The following DCAF1 variants were observed in gnomAD, a reference collection of about 807,000 sequenced individuals.
DCAF1 encodes the protein DDB1 and CUL4 associated factor 1.
Under a neutral mutation model 128.0 loss-of-function variants are expected in DCAF1, and 15 were observed. That is an observed-to-expected ratio of 0.12 (90% CI 0.08 to 0.18). DCAF1 has a LOEUF of 0.18. DCAF1 is among the 10% of genes least tolerant of loss of function. DCAF1 has a pLI of 1.00. For missense variants in DCAF1, 988 were observed against 1,649.5 expected (o/e 0.60, Z 6.95); for synonymous variants, 610 against 603.0 (o/e 1.01, Z -0.17).
chr3:51,475,433 C>G (rs782534146), intron 3 of DCAF1, among the ~76,000 whole-genome samples: 13 of 152,154 alleles, frequency 8.5e-5, no homozygotes, highest in South Asian at 2.1e-4. Context: ...GAAATCCCCC[C>G]CATCTCTACT....
chr3:51,432,267 TAAA>T (rs879192648), intron 10 of DCAF1, among the ~76,000 whole-genome samples: 1 of 99,014 alleles, frequency 1.0e-5, no homozygotes. Flanking sequence ...CAAGATTCTG[TAAA>T]AAAAAAAAAA....
rs372641990 is a variant in DCAF1, at chr3:51,451,246, A to C, written c.376-7343T>G. On this transcript the variant is annotated intron_variant, in intron 6 of 24. Transcript: ENST00000684031. ...CAGGACTACAGCCATGTGACACCACACTCAGCATATATATATATATTTACA... is the reference window on the plus strand; with the variant it reads ...CAGGACTACAGCCATGTGACACCACCCTCAGCATATATATATATATTTACA... Among the ~76,000 whole-genome samples the C allele has an allele frequency of 6.6e-5, 10 of 150,986 alleles. No homozygotes were observed. In the South Asian group the frequency reaches 1.3e-3, roughly 19 times the overall value.
intron 5 of DCAF1, among the ~76,000 whole-genome samples, chr3:51,465,928 G>A (rs1395921070): frequency 6.6e-6 from 1 of 152,158 alleles, no homozygotes; most frequent in Non-Finnish European, 1.5e-5. Flanking sequence ...GCTGGGTGCA[G>A]TGGTTCACGT....
At chr3:51,444,923 C>A (rs564160994) in intron 6 of DCAF1, among the ~76,000 whole-genome samples, 19 of 152,180 alleles carry the variant, frequency 1.2e-4, no homozygotes, top group African/African-American at 3.6e-4. Context: ...GATCCGCCCC[C>A]CTTGGCCTCC....
At chr3:51,442,842 ACACC>A (rs1412163281) in intron 7 of DCAF1, among the ~76,000 whole-genome samples, 20 of 152,180 alleles carry the variant, frequency 1.3e-4, no homozygotes, top group African/African-American at 4.3e-4. Context: ...AGAAAACTAA[ACACC>A]GCATGCTCTC....
At chr3:51,399,656 G>A (rs185652079) in intron 24 of DCAF1, among the ~76,000 whole-genome samples, 7 of 151,820 alleles carry the variant, frequency 4.6e-5, no homozygotes, top group African/African-American at 1.7e-4. Flanking sequence ...ACCATGTCTG[G>A]CTGATCAAAA....
intron 23 of DCAF1, among the ~76,000 whole-genome samples, chr3:51,408,009 A>AAAAC (rs1698056380): frequency 6.7e-6 from 1 of 149,440 alleles, no homozygotes; most frequent in African/African-American, 2.4e-5. Flanking sequence ...AAAAAAAAAA[A>AAAAC]CAACCAGATA....
intron 3 of DCAF1, among the ~76,000 whole-genome samples, chr3:51,475,249 A>C (rs549146960): frequency 1.6e-4 from 25 of 152,132 alleles, no homozygotes; most frequent in Middle Eastern, 3.4e-3. Flanking sequence ...AAAAAAAAAA[A>C]CAAAAAGATC....
intron 3 of DCAF1, among the ~76,000 whole-genome samples, chr3:51,473,446 T>TAAAAAAAA (rs1705015577): frequency 1.2e-5 from 1 of 86,218 alleles, no homozygotes; most frequent in Non-Finnish European, 2.2e-5. Flanking sequence ...TTTTTTTTTT[T>TAAAAAAAA]AAGAAACAGG....
chr3:51,415,125 C>T (rs1698763258), intron 18 of DCAF1, among the ~76,000 whole-genome samples: 1 of 152,146 alleles, frequency 6.6e-6, no homozygotes, highest in Non-Finnish European at 1.5e-5. Flanking sequence ...TTGGCAACTC[C>T]TAAACACATG....
intron 3 of DCAF1, among the ~76,000 whole-genome samples, chr3:51,482,773 A>AG (rs1179554616): frequency 1.3e-5 from 2 of 150,944 alleles, no homozygotes; most frequent in East Asian, 4.2e-4. Context: ...TCAAAAAAAA[A>AG]AAAAAAAAAA....
At chr3:51,414,176 A>C (rs1698677097) in intron 19 of DCAF1, 133 bp from the exon 20 acceptor site, 6 of 1,218,146 alleles carry the variant, frequency 4.9e-6, no homozygotes, top group Non-Finnish European at 6.6e-6. Context: ...ATCAAGGTAA[A>C]ACAAATACAT....
intron 9 of DCAF1, chr3:51,437,525 A>G (rs1300381318): frequency 2.8e-6 from 1 of 355,434 alleles, no homozygotes. Flanking sequence ...TATAAAATGT[A>G]TAACAGGGGG....
chr3:51,420,108 A>C lies in DCAF1; in HGVS notation c.2862T>G (p.Ile954Met). 1 of 1,613,946 alleles carries C rather than the reference A, an allele frequency of 6.2e-7. No individual in the cohort carries two copies. The highest frequency in any genetic ancestry group is 1.7e-4 in the Middle Eastern group (1 of 6,060). ...TCTCTCTGATAAAACTGATTCTACC[A>C]ATCAAAGGGGAGTTGCCTGCATAAG... ...GPSYAGNSPLIGRISFIRERP... is the reference protein window; with the variant it reads ...GPSYAGNSPLMGRISFIRERP... Residue 954 changes from isoleucine to methionine, a missense_variant, in exon 15 of 25, where the codon ATT becomes ATG. By Grantham distance (10) the Ile-to-Met change is conservative. This residue lies in a region of DCAF1 where 88 missense variants were observed against 107.7 expected (regional missense o/e 0.82). Coordinates refer to ENST00000684031, the MANE Select transcript of DCAF1 (RefSeq NM_001387579.1). This position sits in a 1 kb window ranked among gnomAD's most constrained non-coding sequence, Gnocchi z 6.5.
In DCAF1 at chr3:51,434,359, T is replaced by C. The variant is rs933511154; in HGVS notation, c.1129-1095A>G. ...CAAGGCTGTAGTGAGCTAGGATCAATTGCACCACTGCACTCCAGCCTGGGT... is the reference window on the plus strand; with the variant it reads ...CAAGGCTGTAGTGAGCTAGGATCAACTGCACCACTGCACTCCAGCCTGGGT... On this transcript the variant is annotated intron_variant, in intron 9 of 24. Transcript: ENST00000684031. Among the ~76,000 whole-genome samples, 341 of 152,244 alleles carry C rather than the reference T, an allele frequency of 2.2e-3. 3 individuals are homozygous for C. Among genetic ancestry groups the C allele is most frequent in the African/African-American group, 7.3e-3 (302 of 41,556 alleles).
At chr3:51,503,370 C>T (rs189174014), upstream of DCAF1, among the ~76,000 whole-genome samples, 2 of 152,282 alleles carry the variant, frequency 1.3e-5, no homozygotes, top group African/African-American at 4.8e-5. Flanking sequence ...TCAAGCTTCT[C>T]CTTCATTCTC....
intron 5 of DCAF1, 130 bp downstream of exon 5, chr3:51,466,673 G>C (rs1330403932): frequency 2.6e-6 from 2 of 782,250 alleles, no homozygotes; most frequent in African/African-American, 3.5e-5. Flanking sequence ...CCACAACCAG[G>C]ACTTTGGCAA....
chr3:51,422,728 C>T (rs144350851), intron 13 of DCAF1, among the ~76,000 whole-genome samples: 1 of 152,214 alleles, frequency 6.6e-6, no homozygotes, highest in East Asian at 1.9e-4. Flanking sequence ...CACGTACTCT[C>T]AAAGTTTTGG....
intron 6 of DCAF1, among the ~76,000 whole-genome samples, chr3:51,455,270 A>G (rs1702774687): frequency 6.6e-6 from 1 of 152,202 alleles, no homozygotes; most frequent in Non-Finnish European, 1.5e-5. Flanking sequence ...CACTGGGAAG[A>G]TCACTCATCA....
Sources: allele counts gnomAD v4.1 joint callset (sites outside exome capture counted in the v4.1 genomes callset), GRCh38; gene constraint gnomAD v4.1.1; regional missense constraint gnomAD v4.1.1; non-coding constraint Gnocchi (gnomAD v3.1); transcripts MANE v1.5; gene names NCBI Gene and HGNC (gene_info 2026-07-23, HGNC 2026-07-21).